Variants in CNOT10 observed in about 807,000 individuals in gnomAD.
CNOT10 encodes CCR4-NOT transcription complex, subunit 10.
CNOT10 carries 30 observed loss-of-function variants against 94.6 expected under a neutral mutation model. The ratio of observed to expected loss-of-function variants is 0.32; its 90% CI spans 0.24 to 0.43. CNOT10 has a LOEUF of 0.43. Among genes scored for constraint, CNOT10 ranks in the 20% least tolerant of loss-of-function variants. CNOT10 has a pLI of 1.00. For missense variants in CNOT10, 759 were observed against 877.2 expected (o/e 0.87, Z 1.70); for synonymous variants, 289 against 301.6 (o/e 0.96, Z 0.43).
rs565794657 is a variant in CNOT10 at position 32,722,755 on chromosome 3, C to G, written c.862+2524C>G. ...TCCCAGCACATTGGGAGACTGAGGC[C>G]GACGGATCACTTGAGGTCAGGAGTT... On this transcript the variant is annotated intron_variant, in intron 8 of 18. Transcript: ENST00000328834. 2.0e-5 allele frequency among the ~76,000 whole-genome samples: 3 copies of G among 151,914 alleles called. No individual in the cohort carries two copies. In the South Asian group the frequency reaches 6.3e-4, roughly 32 times the overall value.
At chr3:32,736,939 C>T (rs1214792776) in intron 12 of CNOT10, among the ~76,000 whole-genome samples, 1 of 152,090 alleles carries the variant, frequency 6.6e-6, no homozygotes, top group Non-Finnish European at 1.5e-5. Flanking sequence ...AACTAATATA[C>T]AATATAGCTT....
chr3:32,692,051 CAAAAA>C (rs747328876), intron 1 of CNOT10, among the ~76,000 whole-genome samples: 1 of 66,490 alleles, frequency 1.5e-5, no homozygotes. Flanking sequence ...ACCCTGTCAC[CAAAAA>C]AAAAAAAAAA....
chr3:32,767,940 A>G (rs944671244), intron 17 of CNOT10, among the ~76,000 whole-genome samples: 1 of 152,020 alleles, frequency 6.6e-6, no homozygotes, highest in East Asian at 1.9e-4. Context: ...ACGCTGGGAG[A>G]GACAGATGGG....
At chr3:32,727,516 T>C (rs1338781080) in intron 9 of CNOT10, 152 bp from the exon 10 acceptor site, 1 of 608,650 alleles carries the variant, frequency 1.6e-6, no homozygotes, top group South Asian at 2.0e-5. Flanking sequence ...GGGTTGAGAA[T>C]GGAGACCACC....
intron 13 of CNOT10, 21 bp from the exon 14 acceptor site, chr3:32,759,437 C>G (rs763732015): frequency 6.5e-7 from 1 of 1,536,886 alleles, no homozygotes; most frequent in South Asian, 1.2e-5. Context: ...GATTTTCGGC[C>G]CCTTCCCTTT....
intron 18 of CNOT10, among the ~76,000 whole-genome samples, chr3:32,773,186 C>G (rs1257825297): frequency 1.3e-5 from 2 of 152,164 alleles, no homozygotes; most frequent in African/African-American, 2.4e-5. Context: ...TTTTATACAG[C>G]CCACCTATAA....
At chr3:32,687,460 T>G (rs377525024) in intron 1 of CNOT10, among the ~76,000 whole-genome samples, 1 of 100,108 alleles carries the variant, frequency 1.0e-5, no homozygotes, top group Admixed American at 1.1e-4. Context: ...TTGTTTTTTT[T>G]TTTTTTTTTG....
intron 4 of CNOT10, among the ~76,000 whole-genome samples, chr3:32,710,168 AAGAG>A (rs1232748866): frequency 1.2e-3 from 186 of 150,020 alleles, no homozygotes; most frequent in African/African-American, 4.4e-3. Flanking sequence ...AAAAAAAAAA[AAGAG>A]AATTTCCTGA....
At chr3:32,698,855 A>C (rs1697199792) in intron 1 of CNOT10, among the ~76,000 whole-genome samples, 1 of 152,114 alleles carries the variant, frequency 6.6e-6, no homozygotes, top group African/African-American at 2.4e-5. Context: ...GCACAATCTC[A>C]GCTCACTGCA....
At chr3:32,713,057 T>C (rs1211909835) in intron 4 of CNOT10, among the ~76,000 whole-genome samples, 170 bp from the exon 5 acceptor site, 2 of 152,224 alleles carry the variant, frequency 1.3e-5, no homozygotes, top group Non-Finnish European at 2.9e-5. Context: ...AAAATGACAT[T>C]GTTGGCATTG....
At chr3:32,686,236 G>A (rs1053486525) in intron 1 of CNOT10, among the ~76,000 whole-genome samples, 1 of 152,104 alleles carries the variant, frequency 6.6e-6, no homozygotes, top group Non-Finnish European at 1.5e-5. Context: ...GACCTTGTCC[G>A]GAATGTTTCC....
At chr3:32,746,754 G>GCACT (rs1699716833) in intron 13 of CNOT10, among the ~76,000 whole-genome samples, 1 of 149,182 alleles carries the variant, frequency 6.7e-6, no homozygotes, top group African/African-American at 2.5e-5. Context: ...GGAGAATGGT[G>GCACT]TGTACCCAGG....
In CNOT10 at chr3:32,727,825, C is replaced by G. The variant is rs1194362871; in HGVS notation, c.1170C>G (p.Arg390=). 5.0e-6 allele frequency: 8 copies of G among 1,613,582 alleles called. No individual in the cohort carries two copies. In the South Asian group the frequency reaches 8.8e-5, roughly 18 times the overall value. Residue 390 remains arginine, a synonymous_variant, in exon 10 of 19, where the codon CGC becomes CGG. Coordinates refer to ENST00000328834, the MANE Select transcript of CNOT10 (RefSeq NM_015442.3). ...EAVQVYHANP[R]LWLRLAECCI... ...TTCAGGTTTATCATGCAAATCCTCG[C>G]CTCTGGCTACGGCTGGCTGAATGCT...
rs548680325 is a variant in CNOT10 at position 32,740,731 on chromosome 3, G to A, written c.1595+3241G>A. Among the ~76,000 whole-genome samples, 1,284 of 152,068 alleles carry A rather than the reference G, an allele frequency of 8.4e-3. 9 individuals are homozygous for A. The highest frequency in any genetic ancestry group is 0.014 in the Non-Finnish European group (939 of 67,994). On this transcript the variant is annotated intron_variant, in intron 13 of 18. Transcript: ENST00000328834. ...CAAAAAATTAGCCGGGCGTGGTGGCGGGCGCCTGTAGTCCCAGCTACGCGG... is the reference window on the plus strand; with the variant it reads ...CAAAAAATTAGCCGGGCGTGGTGGCAGGCGCCTGTAGTCCCAGCTACGCGG...
At chr3:32,702,097 C>CTTT (rs71630535) in intron 1 of CNOT10, among the ~76,000 whole-genome samples, 6 of 138,182 alleles carry the variant, frequency 4.3e-5, no homozygotes, top group Admixed American at 2.2e-4. Context: ...CACACCTGGC[C>CTTT]TTTTTTTTTT....
chr3:32,763,197 C>A (rs760859066), intron 15 of CNOT10, among the ~76,000 whole-genome samples: 2 of 151,916 alleles, frequency 1.3e-5, no homozygotes, highest in Non-Finnish European at 2.9e-5. Flanking sequence ...TTAGTCCAGG[C>A]GTGGTGGCTC....
rs919274850 is a variant in CNOT10, at chr3:32,746,602, C to T, written c.1595+9112C>T. On this transcript the variant is annotated intron_variant, in intron 13 of 18. Transcript: ENST00000328834. ...CTGTAATCCCAGCACTTTGGGAGGC[C>T]GAGGTGGGCAGATCATGAGGTCAGG... is the stretch of plus-strand genomic sequence containing the variant. Among the ~76,000 whole-genome samples the T allele has an allele frequency of 4.0e-5, 6 of 151,898 alleles. 1 individual carries two copies. Among genetic ancestry groups the T allele is most frequent in the Admixed American group, 2.6e-4 (4 of 15,222 alleles).
intron 12 of CNOT10, among the ~76,000 whole-genome samples, chr3:32,736,804 A>G (rs1426550012): frequency 6.6e-6 from 1 of 152,054 alleles, no homozygotes; most frequent in Non-Finnish European, 1.5e-5. Flanking sequence ...TTGAGGGGTC[A>G]GGGTAATTAG....
intron 5 of CNOT10, among the ~76,000 whole-genome samples, chr3:32,715,634 A>T (rs1698084958): frequency 6.6e-6 from 1 of 152,194 alleles, no homozygotes; most frequent in Non-Finnish European, 1.5e-5. Flanking sequence ...CATGTTTTTT[A>T]AAACAAGCCC....
Sources: allele counts gnomAD v4.1 joint callset (sites outside exome capture counted in the v4.1 genomes callset), GRCh38; gene constraint gnomAD v4.1.1; transcripts MANE v1.5; gene names NCBI Gene and HGNC (gene_info 2026-07-23, HGNC 2026-07-21).